Variants in ERBB4 observed in about 807,000 individuals in gnomAD.
ERBB4 encodes the protein receptor tyrosine-protein kinase erbB-4.
A neutral mutation model predicts 158.0 loss-of-function variants in ERBB4; 42 were observed. The observed-to-expected ratio is 0.27, with a 90% CI of 0.21 to 0.34. The LOEUF (loss-of-function observed/expected upper bound fraction) is 0.34. Among genes scored for constraint, ERBB4 ranks in the 10% least tolerant of loss-of-function variants. The probability of loss-of-function intolerance (pLI) is 1.00; values close to 1 mark genes in which losing one functional copy is unlikely to be tolerated. For missense variants in ERBB4, 1,333 were observed against 1,624.1 expected, an observed-to-expected ratio of 0.82 and a Z score of 3.08; for synonymous variants, 583 against 558.7, an observed-to-expected ratio of 1.04 and a Z score of -0.61.
chr2:211,515,912 A>ATATATATATATATATATATATTTTTTTTT (rs35696520), intron 20 of ERBB4, among the ~76,000 whole-genome samples: 2 of 78,982 alleles, frequency 2.5e-5, no homozygotes, highest in African/African-American at 1.1e-4. Flanking sequence ...ATATATATAT[A>ATATATATATATATATATATATTTTTTTTT]TTTTTTTTTT....
At chr2:212,346,886 C>T (rs1044159420) in intron 1 of ERBB4, among the ~76,000 whole-genome samples, 1 of 152,186 alleles carries the variant, frequency 6.6e-6, no homozygotes, top group African/African-American at 2.4e-5. Flanking sequence ...TTTATGAATA[C>T]TAAGCCGCAT....
At chr2:211,513,286 G>C (rs1335706136) in intron 20 of ERBB4, among the ~76,000 whole-genome samples, 3 of 149,804 alleles carry the variant, frequency 2.0e-5, no homozygotes, top group East Asian at 4.0e-4. Flanking sequence ...GGGAAGCGGA[G>C]CTTGCAGTGA....
At chr2:212,201,074 A>G (rs182244413) in intron 1 of ERBB4, among the ~76,000 whole-genome samples, 217 of 152,272 alleles carry the variant, frequency 1.4e-3, no homozygotes, top group Admixed American at 2.4e-3. Flanking sequence ...ATGAATACAT[A>G]TTACATTTCT....
intron 3 of ERBB4, among the ~76,000 whole-genome samples, chr2:211,832,793 T>G (rs1209346850): frequency 6.6e-6 from 1 of 150,468 alleles, no homozygotes; most frequent in Non-Finnish European, 1.5e-5. Context: ...TCCCTGTCTA[T>G]ACGCATTGAT....
chr2:211,971,906 G>A (rs865794902), intron 2 of ERBB4, among the ~76,000 whole-genome samples: 14 of 152,162 alleles, frequency 9.2e-5, no homozygotes, highest in South Asian at 4.2e-4. Context: ...ATACAATATC[G>A]AAAGTTCTAG....
chr2:211,641,335 T>C (rs1027120533), intron 16 of ERBB4, among the ~76,000 whole-genome samples: 3 of 152,050 alleles, frequency 2.0e-5, no homozygotes, highest in Non-Finnish European at 4.4e-5. Context: ...CTCATCAAGA[T>C]AAATTCTACT....
intron 2 of ERBB4, among the ~76,000 whole-genome samples, chr2:211,970,894 T>C (rs2081434622): frequency 6.6e-6 from 1 of 152,190 alleles, no homozygotes; most frequent in Middle Eastern, 3.2e-3. Context: ...TTACTATTGA[T>C]ATGTGTGGAT....
At chr2:211,659,402 A>G (rs2071337882) in intron 15 of ERBB4, among the ~76,000 whole-genome samples, 1 of 152,088 alleles carries the variant, frequency 6.6e-6, no homozygotes, top group Non-Finnish European at 1.5e-5. Context: ...CATTTCTAAA[A>G]ATGGAAAATT....
chr2:211,425,094 A>C (rs1223373830), intron 22 of ERBB4, among the ~76,000 whole-genome samples: 3 of 152,150 alleles, frequency 2.0e-5, no homozygotes, highest in Non-Finnish European at 4.4e-5. Context: ...TCTTTTTTGT[A>C]ATGTAATGAT....
At chr2:212,431,885 CT>C in intron 1 of ERBB4, among the ~76,000 whole-genome samples, 1 of 152,326 alleles carries the variant, frequency 6.6e-6, no homozygotes, top group Non-Finnish European at 1.5e-5. Context: ...AAACTATAAT[CT>C]CCCAACATTC....
chr2:212,474,842 T>G (rs56055422), intron 1 of ERBB4, among the ~76,000 whole-genome samples: 1 of 125,392 alleles, frequency 8.0e-6, no homozygotes, highest in Non-Finnish European at 1.7e-5. Context: ...TTTTTTTTTG[T>G]CAAGACAAGG....
At chr2:211,473,933 T>G (rs2064891901) in intron 20 of ERBB4, among the ~76,000 whole-genome samples, 1 of 152,086 alleles carries the variant, frequency 6.6e-6, no homozygotes, top group African/African-American at 2.4e-5. Context: ...GAGATTCAAC[T>G]ACTGGGAAGG....
chr2:211,948,379 T>C (rs1190734892), intron 2 of ERBB4, among the ~76,000 whole-genome samples: 1 of 130,198 alleles, frequency 7.7e-6, no homozygotes, highest in Non-Finnish European at 1.5e-5. Context: ...GAGGCTGCAG[T>C]GAGCCAAGAT....
chr2:211,465,468 C>T (rs2064657201), intron 20 of ERBB4, among the ~76,000 whole-genome samples: 1 of 151,726 alleles, frequency 6.6e-6, no homozygotes, highest in African/African-American at 2.4e-5. Flanking sequence ...AATACTTTAA[C>T]AGCAGGAATT....
At chr2:211,901,206 G>T (rs2079226350) in intron 3 of ERBB4, among the ~76,000 whole-genome samples, 2 of 152,102 alleles carry the variant, frequency 1.3e-5, no homozygotes, top group South Asian at 4.1e-4. Context: ...GTCTGTTTTT[G>T]TGAGCCCTGT....
intron 1 of ERBB4, among the ~76,000 whole-genome samples, chr2:212,494,065 T>C (rs1332553128): frequency 6.6e-6 from 1 of 151,914 alleles, no homozygotes; most frequent in East Asian, 1.9e-4. Context: ...GTATAACTAT[T>C]ATATGTATAC....
intron 12 of ERBB4, 124 bp from the exon 13 acceptor site, chr2:211,679,308 G>T: frequency 9.6e-7 from 1 of 1,041,222 alleles, no homozygotes; most frequent in Non-Finnish European, 1.4e-6. Flanking sequence ...TGACTTTGGT[G>T]GCCTATCCCA....
chr2:212,048,530 C>T (rs1048603918), intron 2 of ERBB4, among the ~76,000 whole-genome samples: 14 of 152,084 alleles, frequency 9.2e-5, no homozygotes, highest in Admixed American at 1.3e-4. Flanking sequence ...AAAGGAAAAT[C>T]GAAGGTAATC....
At chr2:211,609,117 C>T (rs1227167900) in intron 19 of ERBB4, among the ~76,000 whole-genome samples, 2 of 152,066 alleles carry the variant, frequency 1.3e-5, no homozygotes, top group African/African-American at 2.4e-5. Flanking sequence ...GTCCTCCTGT[C>T]GCTCAGTCCC....
Sources: gnomAD v4.1 joint callset for allele counts (sites outside exome capture counted in the v4.1 genomes callset) on GRCh38, gnomAD v4.1.1 for gene constraint, MANE v1.5 for transcripts, NCBI Gene and HGNC (gene_info 2026-07-23, HGNC 2026-07-21) for gene names.